Variants in MEI4 observed in about 807,000 individuals in gnomAD.
MEI4 encodes meiotic double-stranded break formation protein 4, also known as meiosis-specific protein MEI4.
A neutral mutation model predicts 31.4 loss-of-function variants in MEI4; 27 were observed. The ratio of observed to expected loss-of-function variants is 0.86; its 90% CI spans 0.63 to 1.19. MEI4 has a LOEUF of 1.19. MEI4 is among the 50% of genes most tolerant of loss of function. The pLI, the probability that MEI4 is intolerant of heterozygous loss-of-function variation, is 0.00. For missense variants in MEI4, 329 were observed against 398.9 expected (o/e 0.82, Z 1.49); for synonymous variants, 122 against 145.4 (o/e 0.84, Z 1.16).
chr6:77,835,482 G>C (rs993297474), intron 4 of MEI4, among the ~76,000 whole-genome samples: 10 of 149,978 alleles, frequency 6.7e-5, no homozygotes, highest in African/African-American at 2.4e-4. Flanking sequence ...CCTAAAAGGT[G>C]ATTTAACATG....
chr6:77,867,863 T>C (rs572821871), intron 4 of MEI4, among the ~76,000 whole-genome samples: 5 of 152,142 alleles, frequency 3.3e-5, no homozygotes, highest in Non-Finnish European at 7.3e-5. Flanking sequence ...GTGACACATA[T>C]GCACCATGGA....
At chr6:77,865,235 G>A (rs2127722821) in intron 4 of MEI4, among the ~76,000 whole-genome samples, 1 of 152,256 alleles carries the variant, frequency 6.6e-6, no homozygotes, top group East Asian at 1.9e-4. Flanking sequence ...TAAGATCAGA[G>A]CAGAACTGAA....
chr6:77,710,308 G>A (rs931729921), intron 2 of MEI4, among the ~76,000 whole-genome samples: 4 of 151,956 alleles, frequency 2.6e-5, no homozygotes, highest in African/African-American at 7.3e-5. Context: ...CAGATCACGA[G>A]GTCAAGAGAT....
intron 2 of MEI4, among the ~76,000 whole-genome samples, chr6:77,711,029 A>G (rs1469442977): frequency 1.3e-5 from 2 of 152,172 alleles, no homozygotes; most frequent in East Asian, 1.9e-4. Flanking sequence ...CTTCTATGAG[A>G]TCAGCTTTTT....
intron 2 of MEI4, among the ~76,000 whole-genome samples, chr6:77,752,481 C>T (rs1402142495): frequency 3.3e-5 from 5 of 151,978 alleles, no homozygotes; most frequent in Non-Finnish European, 7.4e-5. Flanking sequence ...GACAGAGAGC[C>T]AAATCATGAG....
chr6:77,792,535 AC>A (rs1375923873), intron 3 of MEI4, among the ~76,000 whole-genome samples: 1 of 152,170 alleles, frequency 6.6e-6, no homozygotes, highest in East Asian at 1.9e-4. Flanking sequence ...TGGATCATAT[AC>A]AAAAAAATAT....
chr6:77,679,533 G>A (rs1044376302), intron 1 of MEI4, among the ~76,000 whole-genome samples: 1 of 76,188 alleles, frequency 1.3e-5, no homozygotes, highest in South Asian at 3.9e-4. Flanking sequence ...GCCTAAGGAT[G>A]GATTTCTTGG....
chr6:77,716,549 G>A (rs1056082340), intron 2 of MEI4, among the ~76,000 whole-genome samples: 2 of 152,136 alleles, frequency 1.3e-5, no homozygotes, highest in South Asian at 2.1e-4. Flanking sequence ...GAGGCTGAAT[G>A]TGTGGAGTCC....
At chr6:77,798,952 T>TA (rs1201859347) in intron 3 of MEI4, among the ~76,000 whole-genome samples, 1 of 151,972 alleles carries the variant, frequency 6.6e-6, no homozygotes, top group African/African-American at 2.4e-5. Flanking sequence ...GCAATAAACA[T>TA]ACGTGTGCAT....
At chr6:77,864,967 G>T (rs1770978550) in intron 4 of MEI4, among the ~76,000 whole-genome samples, 1 of 152,144 alleles carries the variant, frequency 6.6e-6, no homozygotes, top group Non-Finnish European at 1.5e-5. Flanking sequence ...TGAACAACCT[G>T]CTCCTGAATG....
chr6:77,706,618 T>G (rs2127658446), intron 2 of MEI4, among the ~76,000 whole-genome samples: 1 of 152,268 alleles, frequency 6.6e-6, no homozygotes, highest in East Asian at 1.9e-4. Flanking sequence ...AAATGTGATC[T>G]TCAATGTTGG....
intron 2 of MEI4, among the ~76,000 whole-genome samples, chr6:77,744,804 G>C (rs1767537382): frequency 2.6e-5 from 4 of 152,162 alleles, no homozygotes; most frequent in African/African-American, 7.2e-5. Context: ...AAGAGAGTGG[G>C]GGCCAATATT....
intron 2 of MEI4, among the ~76,000 whole-genome samples, chr6:77,706,543 A>T (rs912638111): frequency 1.5e-4 from 23 of 152,198 alleles, no homozygotes; most frequent in African/African-American, 5.5e-4. Context: ...TAAATCTGTT[A>T]TCTTTTTCTC....
chr6:77,781,640 C>A (rs571784714), intron 3 of MEI4, among the ~76,000 whole-genome samples: 10 of 152,156 alleles, frequency 6.6e-5, no homozygotes, highest in African/African-American at 2.4e-4. Flanking sequence ...ATATGTTTTG[C>A]AATTATTTCA....
chr6:77,800,953 C>CT (rs1769238401), intron 3 of MEI4, among the ~76,000 whole-genome samples: 1 of 152,078 alleles, frequency 6.6e-6, no homozygotes, highest in African/African-American at 2.4e-5. Flanking sequence ...CTAAAATTCT[C>CT]TTTTTTGGTT....
At chr6:77,749,691 A>G (rs1447543027) in intron 2 of MEI4, among the ~76,000 whole-genome samples, 2 of 152,190 alleles carry the variant, frequency 1.3e-5, no homozygotes, top group African/African-American at 2.4e-5. Flanking sequence ...TTGGAAAACA[A>G]TCTTCAGGCT....
At chr6:77,865,872 T>G (rs1771012425) in intron 4 of MEI4, among the ~76,000 whole-genome samples, 1 of 152,110 alleles carries the variant, frequency 6.6e-6, no homozygotes. Context: ...ATCAAAAAGC[T>G]TATCCAACAT....
chr6:77,690,570 G>A (rs193147565), intron 1 of MEI4, 88 bp from the exon 2 acceptor site: 1 of 551,182 alleles, frequency 1.8e-6, no homozygotes, highest in Admixed American at 4.4e-5. Context: ...ATTAATTAAT[G>A]TTACTCTGCA....
At chr6:77,887,003 ATTTGG>A (rs1339033594) in intron 4 of MEI4, among the ~76,000 whole-genome samples, 1 of 101,736 alleles carries the variant, frequency 9.8e-6, no homozygotes, top group African/African-American at 3.9e-5. Flanking sequence ...CTAATTTTGG[ATTTGG>A]TTTGTTCTTT....
Sources: allele counts gnomAD v4.1 joint callset (sites outside exome capture counted in the v4.1 genomes callset), GRCh38; gene constraint gnomAD v4.1.1; transcripts MANE v1.5; gene names NCBI Gene and HGNC (gene_info 2026-07-23, HGNC 2026-07-21).